HMGCLL1: variants seen among roughly 807,000 people sequenced by gnomAD.
HMGCLL1 encodes 3-hydroxymethyl-3-methylglutaryl-CoA lyase, cytoplasmic.
A neutral mutation model predicts 39.1 loss-of-function variants in HMGCLL1; 36 were observed. The ratio of observed to expected loss-of-function variants is 0.92; its 90% CI spans 0.71 to 1.22. The LOEUF is 1.22. Ranked by LOEUF, HMGCLL1 falls within the 50% of genes most tolerant of loss-of-function variation. The pLI is 0.00. For missense variants in HMGCLL1, 451 were observed against 416.5 expected (o/e 1.08, Z -0.72); for synonymous variants, 149 against 144.0 (o/e 1.03, Z -0.25).
chr6:55,539,340 TATA>T (rs1486690890), intron 3 of HMGCLL1, among the ~76,000 whole-genome samples: 2 of 152,288 alleles, frequency 1.3e-5, no homozygotes, highest in East Asian at 1.9e-4. Flanking sequence ...CATTACTGGG[TATA>T]TAACCAAAGG....
the HMGCLL1 span, among the ~76,000 whole-genome samples, chr6:55,619,420 A>C: frequency 6.6e-6 from 1 of 152,150 alleles, no homozygotes; most frequent in South Asian, 2.1e-4. Flanking sequence ...CGCATATTTC[A>C]AATTCATAAT....
chr6:55,535,325 C>T (rs1768950792), intron 3 of HMGCLL1, among the ~76,000 whole-genome samples: 1 of 152,156 alleles, frequency 6.6e-6, no homozygotes. Flanking sequence ...TCTACGAATT[C>T]AGGAGAAAAG....
chr6:55,647,025 T>C, the HMGCLL1 span, among the ~76,000 whole-genome samples: 1 of 152,040 alleles, frequency 6.6e-6, no homozygotes, highest in Non-Finnish European at 1.5e-5. Flanking sequence ...TCTATGTCTC[T>C]TTTTATCTCT....
chr6:55,518,784 T>A (rs1371752388), intron 3 of HMGCLL1, among the ~76,000 whole-genome samples: 1 of 152,136 alleles, frequency 6.6e-6, no homozygotes, highest in Admixed American at 6.6e-5. Flanking sequence ...TCCAGATGAC[T>A]TTTGCCTCCA....
the HMGCLL1 span, among the ~76,000 whole-genome samples, chr6:55,658,722 G>A: frequency 6.6e-6 from 1 of 151,924 alleles, no homozygotes; most frequent in Non-Finnish European, 1.5e-5. Context: ...ATTGGGATAT[G>A]TTCTGATAAT....
At chr6:55,528,698 A>G (rs1340121485) in intron 3 of HMGCLL1, among the ~76,000 whole-genome samples, 1 of 151,654 alleles carries the variant, frequency 6.6e-6, no homozygotes, top group Non-Finnish European at 1.5e-5. Flanking sequence ...ATAGACTGAC[A>G]CCATATTCAC....
intron 1 of HMGCLL1, among the ~76,000 whole-genome samples, chr6:55,544,934 A>G (rs905921352): frequency 6.6e-6 from 1 of 152,160 alleles, no homozygotes; most frequent in African/African-American, 2.4e-5. Flanking sequence ...TTGGATGACA[A>G]CATGAAATCA....
At chr6:55,626,519 G>T in the HMGCLL1 span, among the ~76,000 whole-genome samples, 4 of 152,014 alleles carry the variant, frequency 2.6e-5, no homozygotes, top group Admixed American at 2.0e-4. Flanking sequence ...TTCTCCAGAA[G>T]GCCATGTATG....
intron 7 of HMGCLL1, among the ~76,000 whole-genome samples, chr6:55,446,792 T>G (rs1351827692): frequency 6.6e-6 from 1 of 152,008 alleles, no homozygotes; most frequent in African/African-American, 2.4e-5. Flanking sequence ...TTCTAATCTA[T>G]ATATTCATGT....
chr6:55,640,719 T>C, the HMGCLL1 span, among the ~76,000 whole-genome samples: 1 of 151,552 alleles, frequency 6.6e-6, no homozygotes, highest in Non-Finnish European at 1.5e-5. Context: ...TTGTATTATA[T>C]CATATATATT....
chr6:55,566,101 CAGTGAAA>C (rs1325570170), intron 1 of HMGCLL1, among the ~76,000 whole-genome samples: 1 of 152,016 alleles, frequency 6.6e-6, no homozygotes, highest in Non-Finnish European at 1.5e-5. Context: ...TTCTATTTCA[CAGTGAAA>C]TAAATATGAA....
At chr6:55,590,495 G>T in the HMGCLL1 span, among the ~76,000 whole-genome samples, 1 of 151,994 alleles carries the variant, frequency 6.6e-6, no homozygotes, top group Non-Finnish European at 1.5e-5. Context: ...GCATGGGCAA[G>T]GTCTTCATGT....
intron 7 of HMGCLL1, among the ~76,000 whole-genome samples, chr6:55,447,066 T>C (rs534346481): frequency 1.7e-4 from 26 of 152,152 alleles, no homozygotes; most frequent in Admixed American, 1.7e-3. Context: ...ATTCTCAACT[T>C]GTTTCTCATA....
intron 7 of HMGCLL1, among the ~76,000 whole-genome samples, chr6:55,464,981 TA>T (rs1307902293): frequency 1.3e-5 from 2 of 152,230 alleles, no homozygotes; most frequent in Non-Finnish European, 2.9e-5. Context: ...TGAAAGTTTA[TA>T]AATCAAAACC....
intron 4 of HMGCLL1, among the ~76,000 whole-genome samples, chr6:55,514,514 A>G (rs1038830292): frequency 3.3e-5 from 5 of 152,190 alleles, no homozygotes; most frequent in Non-Finnish European, 7.3e-5. Flanking sequence ...AATTATGGAA[A>G]ATACTAGCAC....
At chr6:55,608,277 T>C in the HMGCLL1 span, among the ~76,000 whole-genome samples, 6 of 152,332 alleles carry the variant, frequency 3.9e-5, no homozygotes, top group African/African-American at 1.4e-4. Flanking sequence ...GTTACATATA[T>C]CGTCTTTAAA....
chr6:55,613,958 A>C, the HMGCLL1 span, among the ~76,000 whole-genome samples: 1 of 152,170 alleles, frequency 6.6e-6, no homozygotes, highest in Admixed American at 6.6e-5. Flanking sequence ...AAAAAGAAAA[A>C]GCACTAATAC....
chr6:55,465,517 G>T (rs10456185), intron 7 of HMGCLL1, among the ~76,000 whole-genome samples: 20,124 of 151,916 alleles, frequency 0.13, 1,608 homozygotes, highest in Non-Finnish European at 0.18. Context: ...AAACAGTGAT[G>T]GGTACCTTGC....
In HMGCLL1 at chr6:55,451,797, T is replaced by A. The variant is rs544470450; in HGVS notation, c.796-12238A>T. ...TAAGTGTATTAAAAGACAAAAGAAT[T>A]GAAAACAGTGGTTCTGACAAAGAAT... On this transcript the variant is annotated intron_variant, in intron 7 of 8. Transcript: ENST00000274901. Among the ~76,000 whole-genome samples the A allele has an allele frequency of 7.9e-4, 120 of 152,208 alleles. 2 individuals are homozygous for A. The South Asian group carries it at 0.023, about 30-fold the overall frequency.
Sources: gnomAD v4.1 joint callset for allele counts (sites outside exome capture counted in the v4.1 genomes callset) on GRCh38, gnomAD v4.1.1 for gene constraint, MANE v1.5 for transcripts, NCBI Gene and HGNC (gene_info 2026-07-23, HGNC 2026-07-21) for gene names.